GLRX3: variants seen among roughly 807,000 people sequenced by gnomAD.
The protein encoded by GLRX3 is glutaredoxin-3.
Under a neutral mutation model 49.5 loss-of-function variants are expected in GLRX3, and 22 were observed. The ratio of observed to expected loss-of-function variants is 0.44; its 90% CI spans 0.32 to 0.63. The LOEUF is 0.63. Ranked by LOEUF, GLRX3 falls within the 30% of genes least tolerant of loss-of-function variation. The pLI is 0.05. For missense variants in GLRX3, 385 were observed against 396.3 expected (o/e 0.97, Z 0.24); for synonymous variants, 133 against 140.0 (o/e 0.95, Z 0.35).
At chr10:130,136,803 C>T (rs1862062696) in intron 1 of GLRX3, among the ~76,000 whole-genome samples, 1 of 152,120 alleles carries the variant, frequency 6.6e-6, no homozygotes, top group African/African-American at 2.4e-5. Context: ...GGGGACGCGA[C>T]CTTCCCGGCC....
intron 1 of GLRX3, among the ~76,000 whole-genome samples, chr10:130,136,738 G>T (rs942453359): frequency 6.6e-6 from 1 of 152,150 alleles, no homozygotes; most frequent in African/African-American, 2.4e-5. Context: ...CGCGAGGCTC[G>T]CCTGGAAGCC....
At chr10:130,136,871 G>A (rs4083641) in intron 1 of GLRX3, among the ~76,000 whole-genome samples, 2 of 151,948 alleles carry the variant, frequency 1.3e-5, no homozygotes, top group Admixed American at 6.5e-5. Flanking sequence ...CCGTGCCGCA[G>A]TGGCGGGGCG....
chr10:130,173,498 C>T (rs915592043), intron 8 of GLRX3, among the ~76,000 whole-genome samples: 1 of 152,142 alleles, frequency 6.6e-6, no homozygotes, highest in Non-Finnish European at 1.5e-5. Context: ...TTATCTTTTC[C>T]TTTAGTAGCC....
At chr10:130,178,634 TG>T (rs1409320556) in intron 10 of GLRX3, among the ~76,000 whole-genome samples, 1 of 152,216 alleles carries the variant, frequency 6.6e-6, no homozygotes, top group Admixed American at 6.5e-5. Flanking sequence ...GGGGCTTCAT[TG>T]GCTCCAGTTG....
At chr10:130,139,506 G>T (rs1862132342) in intron 1 of GLRX3, among the ~76,000 whole-genome samples, 1 of 152,006 alleles carries the variant, frequency 6.6e-6, no homozygotes, top group Non-Finnish European at 1.5e-5. Context: ...GCCAGGCATG[G>T]TGGCAGGTGC....
intron 1 of GLRX3, among the ~76,000 whole-genome samples, chr10:130,143,674 G>A (rs748188354): frequency 3.5e-4 from 53 of 151,798 alleles, no homozygotes; most frequent in Non-Finnish European, 5.7e-4. Context: ...GTACAGGCAT[G>A]AGCCACCTTG....
At chr10:130,177,058 G>A (rs1182261233) in intron 10 of GLRX3, among the ~76,000 whole-genome samples, 1 of 152,068 alleles carries the variant, frequency 6.6e-6, no homozygotes, top group Admixed American at 6.6e-5. Flanking sequence ...TATTGTTAAC[G>A]TTTTTCCTTG....
chr10:130,160,665 G>A (rs1862556804), intron 3 of GLRX3, 131 bp from the exon 4 acceptor site: 3 of 627,324 alleles, frequency 4.8e-6, no homozygotes, highest in Non-Finnish European at 8.5e-6. Context: ...GAGATGCAGT[G>A]CAGGCAATTG....
chr10:130,136,888 G>A (rs1862065176), intron 1 of GLRX3, among the ~76,000 whole-genome samples: 1 of 152,074 alleles, frequency 6.6e-6, no homozygotes, highest in African/African-American at 2.4e-5. Context: ...GGCGGGGGAC[G>A]GGGCGGCGCC....
At chr10:130,176,294 ATTT>A (rs1050497149) in intron 10 of GLRX3, among the ~76,000 whole-genome samples, 10 of 151,832 alleles carry the variant, frequency 6.6e-5, no homozygotes, top group African/African-American at 2.2e-4. Context: ...TAATTTTTGT[ATTT>A]TTAGTAGAGA....
intron 1 of GLRX3, among the ~76,000 whole-genome samples, chr10:130,138,848 T>TG: frequency 3.6e-5 from 1 of 27,932 alleles, no homozygotes; most frequent in Non-Finnish European, 7.0e-5. Context: ...AATAAAAGTG[T>TG]TTTTTTTTTT....
At chr10:130,171,480 G>C in intron 7 of GLRX3, 104 bp from the exon 8 acceptor site, 1 of 738,714 alleles carries the variant, frequency 1.4e-6, no homozygotes, top group South Asian at 1.5e-5. Context: ...AGTAGTGGCA[G>C]CTATGCTGGA....
At position 130,179,200 on chromosome 10, in the gene GLRX3, TGA is replaced by T. The variant is rs547307171; in HGVS notation, c.958-138_958-137del. 2.7e-4 allele frequency: 144 copies of T among 527,550 alleles called. 1 individual carries two copies. In the East Asian group the frequency reaches 3.9e-3, roughly 14 times the overall value. The allele number at this position is 527,550 out of a possible 1,614,324, so 32.7% of individuals were successfully genotyped here. ...TTCAGGGTTTATGGCTCATTTAGTT[TGA>T]GAGTGTTAAGAGACTGGAGTTTTAA... is the stretch of plus-strand genomic sequence containing the variant. On this transcript the variant is annotated intron_variant, in intron 10 of 10. Transcript: ENST00000331244.
chr10:130,165,940 C>T (rs983152830), intron 4 of GLRX3, among the ~76,000 whole-genome samples: 12 of 152,208 alleles, frequency 7.9e-5, no homozygotes, highest in African/African-American at 2.7e-4. Flanking sequence ...CACCCATGGC[C>T]TCATCATGTG....
chr10:130,139,336 A>T (rs1010065138), intron 1 of GLRX3, among the ~76,000 whole-genome samples: 8 of 149,184 alleles, frequency 5.4e-5, no homozygotes, highest in Non-Finnish European at 8.9e-5. Flanking sequence ...TTTGGTGAAG[A>T]TGGAGACATT....
intron 2 of GLRX3, 101 bp from the exon 3 acceptor site, chr10:130,159,894 G>T: frequency 1.5e-6 from 2 of 1,294,082 alleles, no homozygotes; most frequent in East Asian, 2.3e-5. Flanking sequence ...TTTAAAAAAT[G>T]CCAGCTACTT....
intron 10 of GLRX3, among the ~76,000 whole-genome samples, chr10:130,176,686 T>A (rs7895791): frequency 0.91 from 138,016 of 151,058 alleles, 63,216 homozygotes; most frequent in African/African-American, 0.98. Flanking sequence ...TTAAGACTAT[T>A]GCTCTTGAAT....
intron 4 of GLRX3, among the ~76,000 whole-genome samples, chr10:130,164,978 A>T (rs183479753): frequency 6.6e-6 from 1 of 152,376 alleles, no homozygotes. Context: ...AAAGCAACTT[A>T]TATGCTATAC....
At chr10:130,136,622 CCCTTCGGCCT>C in intron 1 of GLRX3, 110 bp downstream of exon 1, 2 of 1,198,504 alleles carry the variant, frequency 1.7e-6, no homozygotes, top group Non-Finnish European at 2.1e-6. Flanking sequence ...GTGCCCGGCT[CCCTTCGGCCT>C]CGGGGGACCG....
Sources: allele counts gnomAD v4.1 joint callset (sites outside exome capture counted in the v4.1 genomes callset), GRCh38; gene constraint gnomAD v4.1.1; transcripts MANE v1.5; gene names NCBI Gene and HGNC (gene_info 2026-07-23, HGNC 2026-07-21).